CNTNAP5: variants seen among roughly 807,000 people sequenced by gnomAD.
The protein encoded by CNTNAP5 is contactin associated protein family member 5, also known as contactin-associated protein-like 5.
A neutral mutation model predicts 150.2 loss-of-function variants in CNTNAP5; 72 were observed. That is an observed-to-expected ratio of 0.48 (90% CI 0.40 to 0.58). The LOEUF is 0.58. CNTNAP5 is among the 20% of genes least tolerant of loss of function. The pLI is 0.00. For missense variants in CNTNAP5, 1,636 were observed against 1,626.2 expected (o/e 1.01, Z -0.10); for synonymous variants, 672 against 619.8 (o/e 1.08, Z -1.25).
intron 2 of CNTNAP5, among the ~76,000 whole-genome samples, chr2:124,225,340 C>A (rs553592110): frequency 6.6e-6 from 1 of 152,246 alleles, no homozygotes; most frequent in South Asian, 2.1e-4. Flanking sequence ...CCGGCTTTCA[C>A]CCAAGTGATC....
At chr2:124,589,931 A>C (rs950323409) in intron 11 of CNTNAP5, among the ~76,000 whole-genome samples, 1 of 152,146 alleles carries the variant, frequency 6.6e-6, no homozygotes, top group East Asian at 1.9e-4. Flanking sequence ...TTAATGCAGC[A>C]GTGTTGGGAG....
At chr2:124,811,185 C>T (rs1682210061) in intron 19 of CNTNAP5, among the ~76,000 whole-genome samples, 1 of 152,058 alleles carries the variant, frequency 6.6e-6, no homozygotes, top group South Asian at 2.1e-4. Context: ...AGAAAGACAG[C>T]TCCTTATTTA....
chr2:124,212,498 G>A (rs1021305863), intron 1 of CNTNAP5, among the ~76,000 whole-genome samples: 4 of 152,144 alleles, frequency 2.6e-5, no homozygotes, highest in Non-Finnish European at 5.9e-5. Flanking sequence ...ACCACTCTTA[G>A]CTTCTCCTAT....
At chr2:124,170,727 GA>G (rs1168424621) in intron 1 of CNTNAP5, among the ~76,000 whole-genome samples, 1 of 152,118 alleles carries the variant, frequency 6.6e-6, no homozygotes, top group Admixed American at 6.5e-5. Context: ...CCTCTATGGT[GA>G]AAGGTAACTG....
intron 13 of CNTNAP5, among the ~76,000 whole-genome samples, chr2:124,720,541 C>T (rs1032836217): frequency 1.3e-5 from 2 of 152,102 alleles, no homozygotes; most frequent in Admixed American, 6.6e-5. Flanking sequence ...AAAAATGACT[C>T]AGAAAATCAC....
rs763253770 is a variant in CNTNAP5, at chr2:124,221,786, C to A, written c.164C>A (p.Pro55Gln). The change falls in exon 2 of 24, where the codon CCA becomes CAA. Residue 55 changes from proline to glutamine, a missense_variant. Coordinates refer to ENST00000682447, the MANE Select transcript of CNTNAP5 (RefSeq NM_001367498.1). ...SSSDLTGTHS[P>Q]AQLNWRVGTG... Reference sequence around the variant, plus strand: ...TCAGACCTCACTGGCACTCACAGCCCAGCTCAACTCAACTGGAGAGTTGGT... The same window carrying A: ...TCAGACCTCACTGGCACTCACAGCCAAGCTCAACTCAACTGGAGAGTTGGT... The A allele has an allele frequency of 7.5e-6, 12 of 1,609,008 alleles. No homozygotes were observed. The highest frequency in any genetic ancestry group is 2.2e-5 in the South Asian group (2 of 90,182).
At chr2:124,816,499 CAG>C (rs1331675878) in intron 19 of CNTNAP5, among the ~76,000 whole-genome samples, 2 of 100,944 alleles carry the variant, frequency 2.0e-5, no homozygotes, top group African/African-American at 4.4e-5. Flanking sequence ...TTTTTTGAGA[CAG>C]AGTCTCGCTT....
chr2:124,692,654 C>A (rs542442414), intron 13 of CNTNAP5, among the ~76,000 whole-genome samples: 1 of 152,088 alleles, frequency 6.6e-6, no homozygotes, highest in Non-Finnish European at 1.5e-5. Flanking sequence ...AAATCGATCT[C>A]TTTTTAGCTC....
At chr2:124,454,595 A>G (rs559728413) in intron 6 of CNTNAP5, among the ~76,000 whole-genome samples, 49 of 152,232 alleles carry the variant, frequency 3.2e-4, no homozygotes, top group African/African-American at 1.1e-3. Flanking sequence ...CAGGTATTCT[A>G]TTCAACAGTG....
chr2:124,114,830 A>G (rs886238856), intron 1 of CNTNAP5, among the ~76,000 whole-genome samples: 1 of 151,522 alleles, frequency 6.6e-6, no homozygotes, highest in African/African-American at 2.4e-5. Flanking sequence ...TATATATTAT[A>G]TGTACATATA....
rs552990865 is a variant in CNTNAP5, at chr2:124,088,280, A to G, written c.82+62548A>G. 2.0e-5 allele frequency among the ~76,000 whole-genome samples: 3 copies of G among 152,116 alleles called. No individual in the cohort carries two copies. The East Asian group carries it at 5.8e-4, about 29-fold the overall frequency. On this transcript the variant is annotated intron_variant, in intron 1 of 23. Transcript: ENST00000682447. ...CTATTTTTTTAGTTTTAATATTATC[A>G]TCTCGTTTTTTATCTTCTGTTTATT...
Position 124,073,943 on chromosome 2 carries a change from C to CT in CNTNAP5, c.82+48212dup, listed in dbSNP as rs1682375920. 8.5e-5 allele frequency among the ~76,000 whole-genome samples: 13 copies of CT among 152,172 alleles called. No homozygotes were observed. The South Asian group carries it at 2.5e-3, about 29-fold the overall frequency. ...CAAGATTTGGAAGCAACCTAAGTGT[C>CT]TATCAACAGATGAATAGATGAAGAA... On this transcript the variant is annotated intron_variant, in intron 1 of 23. Transcript: ENST00000682447.
chr2:124,376,156 G>A (rs1440776230), intron 3 of CNTNAP5, among the ~76,000 whole-genome samples: 2 of 152,020 alleles, frequency 1.3e-5, no homozygotes, highest in East Asian at 1.9e-4. Context: ...TTGTTTCAAA[G>A]CAACCGTCTA....
At chr2:124,235,675 T>C (rs1686728804) in intron 2 of CNTNAP5, among the ~76,000 whole-genome samples, 1 of 152,144 alleles carries the variant, frequency 6.6e-6, no homozygotes, top group South Asian at 2.1e-4. Flanking sequence ...ATTCAAATCC[T>C]TGTTTTGTAA....
At chr2:124,895,229 G>A (rs1297154558) in intron 21 of CNTNAP5, among the ~76,000 whole-genome samples, 2 of 151,328 alleles carry the variant, frequency 1.3e-5, no homozygotes, top group Non-Finnish European at 2.9e-5. Context: ...TTTTATATAA[G>A]AAGACTCATG....
At chr2:124,689,498 T>A (rs1381608206) in intron 13 of CNTNAP5, among the ~76,000 whole-genome samples, 1 of 152,142 alleles carries the variant, frequency 6.6e-6, no homozygotes, top group East Asian at 1.9e-4. Context: ...TGCATGTGTG[T>A]CTCTGCATGT....
At position 124,920,873 on chromosome 2, in the gene CNTNAP5, T is replaced by C. The variant is rs1678857734; in HGVS notation, c.*6585T>C. Among the ~76,000 whole-genome samples the C allele has an allele frequency of 6.6e-6, 1 of 152,036 alleles. No homozygotes were observed. The highest frequency in any genetic ancestry group is 2.1e-4 in the South Asian group (1 of 4,820). On this transcript the variant is annotated 3_prime_UTR_variant, in exon 24 of 24. Transcript: ENST00000682447. ...AGAGTGGGGAGGGTATTTCAACAAG[T>C]AATAAATTGCAGAATACCCTCCCCA...
chr2:124,341,829 A>G (rs1368251227), intron 3 of CNTNAP5, among the ~76,000 whole-genome samples: 6 of 152,184 alleles, frequency 3.9e-5, no homozygotes, highest in Non-Finnish European at 2.9e-5. Context: ...GAGAATGTCT[A>G]TAAATAAGCT....
chr2:124,165,941 A>G (rs1684803450), intron 1 of CNTNAP5, among the ~76,000 whole-genome samples: 1 of 151,384 alleles, frequency 6.6e-6, no homozygotes, highest in Non-Finnish European at 1.5e-5. Context: ...AACCCCCAAA[A>G]CTCCTCATTG....
Sources: allele counts gnomAD v4.1 joint callset (sites outside exome capture counted in the v4.1 genomes callset), GRCh38; gene constraint gnomAD v4.1.1; transcripts MANE v1.5; gene names NCBI Gene and HGNC (gene_info 2026-07-23, HGNC 2026-07-21).